Variants in UBQLN4 observed in about 807,000 individuals in gnomAD.
The protein encoded by UBQLN4 is ubiquilin 4, also known as ubiquilin-4.
Under a neutral mutation model 60.4 loss-of-function variants are expected in UBQLN4, and 11 were observed. The observed-to-expected ratio is 0.18, with a 90% CI of 0.11 to 0.30. The LOEUF (loss-of-function observed/expected upper bound fraction) is 0.30. Among genes scored for constraint, UBQLN4 ranks in the 10% least tolerant of loss-of-function variants. The probability of loss-of-function intolerance (pLI) is 1.00; values close to 1 mark genes in which losing one functional copy is unlikely to be tolerated. For synonymous variants in UBQLN4, 258 were observed against 313.1 expected, an observed-to-expected ratio of 0.82 and a Z score of 1.86; for missense variants, 417 against 795.5, an observed-to-expected ratio of 0.52 and a Z score of 5.72.
downstream of UBQLN4, chr1:156,035,180 T>G: frequency 3.4e-6 from 3 of 888,660 alleles, no homozygotes; most frequent in Non-Finnish European, 4.0e-6. Flanking sequence ...TTAATATTTC[T>G]TAACATCTGT....
At chr1:156,033,813 T>C (rs1304942058), downstream of UBQLN4, among the ~76,000 whole-genome samples, 1 of 147,200 alleles carries the variant, frequency 6.8e-6, no homozygotes, top group Non-Finnish European at 1.5e-5. Context: ...CACTGCACTC[T>C]AGCCTGGGTG....
intron 9 of UBQLN4, 78 bp from the exon 10 acceptor site, chr1:156,041,749 A>G: frequency 6.9e-7 from 1 of 1,456,546 alleles, no homozygotes; most frequent in African/African-American, 1.4e-5. Context: ...AAGGAAAAGC[A>G]GTTGGAAGAA....
At chr1:156,042,291 C>A in intron 7 of UBQLN4, 55 bp from the exon 8 acceptor site, 2 of 1,523,718 alleles carry the variant, frequency 1.3e-6, no homozygotes, top group Non-Finnish European at 1.8e-6. Flanking sequence ...CTAAGAATTC[C>A]CCCACAGCCT....
chr1:156,048,796 T>C lies in UBQLN4; in HGVS notation c.742-137A>G, dbSNP rs1204081163. 20 of 945,444 alleles carry C rather than the reference T, an allele frequency of 2.1e-5. 1 individual carries two copies. The South Asian group carries it at 3.4e-4, about 16-fold the overall frequency. The allele number at this position is 945,444 out of a possible 1,614,324, so 58.6% of individuals were successfully genotyped here. ...GGAACTGCCCCACAGTGACAGGGAGTAGAGTAAACTGGACTTCCTTCCTCT... is the reference window on the plus strand; with the variant it reads ...GGAACTGCCCCACAGTGACAGGGAGCAGAGTAAACTGGACTTCCTTCCTCT... On this transcript the variant is annotated intron_variant, in intron 4 of 10. Transcript: ENST00000368309. The surrounding 1 kb of genome is among the most constrained non-coding windows in gnomAD (Gnocchi z 4.9).
At chr1:156,044,358 A>T in intron 5 of UBQLN4, 135 bp from the exon 6 acceptor site, 1 of 782,816 alleles carries the variant, frequency 1.3e-6, no homozygotes, top group East Asian at 2.7e-5. Flanking sequence ...AGAGGTCCTC[A>T]GTTCAGTTCT....
Position 156,048,884 on chromosome 1 carries a change from G to A in UBQLN4, c.742-225C>T, listed in dbSNP as rs541085195. Among the ~76,000 whole-genome samples the A allele has an allele frequency of 1.3e-5, 2 of 152,258 alleles. No homozygotes were observed. Among genetic ancestry groups the A allele is most frequent in the Admixed American group, 6.5e-5 (1 of 15,288 alleles). On this transcript the variant is annotated intron_variant, in intron 4 of 10. Coordinates refer to ENST00000368309, the MANE Select transcript of UBQLN4 (RefSeq NM_020131.5). This position sits in a 1 kb window ranked among gnomAD's most constrained non-coding sequence, Gnocchi z 4.9. ...ATTTTGGTTGGCTTTTTCTAGTGGA[G>A]GACAATGATCCCAGCTGAAGTGAGG... is the stretch of plus-strand genomic sequence containing the variant.
chr1:156,051,990 G>C, intron 1 of UBQLN4, 133 bp from the exon 2 acceptor site: 1 of 1,080,526 alleles, frequency 9.3e-7, no homozygotes, highest in Non-Finnish European at 1.3e-6. Flanking sequence ...CTGTAGTCTC[G>C]ACGCCATTCC....
In UBQLN4 at chr1:156,035,929, C is replaced by T. The variant is rs1351287577; in HGVS notation, c.*1049G>A. 5.1e-6 allele frequency: 5 copies of T among 985,398 alleles called. No individual in the cohort carries two copies. The highest frequency in any genetic ancestry group is 6.0e-6 in the Non-Finnish European group (5 of 829,952). The allele number at this position is 985,398 out of a possible 1,614,324, so 61.0% of individuals were successfully genotyped here. On this transcript the variant is annotated 3_prime_UTR_variant, in exon 11 of 11. Coordinates refer to ENST00000368309, the MANE Select transcript of UBQLN4 (RefSeq NM_020131.5). ...CACACATGTGGATACACATGCACCTCCCCACTACTCACACAGACCCCAACC... is the reference window on the plus strand; with the variant it reads ...CACACATGTGGATACACATGCACCTTCCCACTACTCACACAGACCCCAACC...
Position 156,048,350 on chromosome 1 carries a change from G to GA in UBQLN4, c.900+150dup. On this transcript the variant is annotated intron_variant, in intron 5 of 10. Coordinates refer to ENST00000368309, the MANE Select transcript of UBQLN4 (RefSeq NM_020131.5). The surrounding 1 kb of genome is among the most constrained non-coding windows in gnomAD (Gnocchi z 4.9). ...TCCATGCCAAAATGGACCATCCCCGGATATGTACTGTTGAGAACTGCCTTC... is the reference window on the plus strand; with the variant it reads ...TCCATGCCAAAATGGACCATCCCCGGAATATGTACTGTTGAGAACTGCCTTC... 1 of 830,468 alleles carries GA rather than the reference G, an allele frequency of 1.2e-6. No homozygotes were observed. The highest frequency in any genetic ancestry group is 1.8e-6 in the Non-Finnish European group (1 of 560,082). 51.4% of individuals were successfully genotyped at this position (830,468 alleles called of 1,614,324 possible). A position where few individuals can be genotyped will look rare whatever the true frequency, so the allele number is the denominator to read the frequency against.
intron 10 of UBQLN4, 47 bp from the exon 11 acceptor site, chr1:156,037,177 G>A: frequency 5.0e-6 from 8 of 1,591,210 alleles, no homozygotes; most frequent in Non-Finnish European, 6.8e-6. Flanking sequence ...CAATCTTGGG[G>A]GCCCTATTTG....
At chr1:156,040,842 T>A (rs1012968526) in intron 10 of UBQLN4, among the ~76,000 whole-genome samples, 3 of 152,158 alleles carry the variant, frequency 2.0e-5, no homozygotes, top group Non-Finnish European at 4.4e-5. Context: ...TAAACATACA[T>A]TTTGGTTGAA....
rs370673501 is a variant in UBQLN4 at position 156,036,305 on chromosome 1, C to T, written c.*673G>A. ...TAATCTCATTCCCTCCTCTTTCACA[C>T]GAATTTCCTCTGGGCTGCTCCAGCG... On this transcript the variant is annotated 3_prime_UTR_variant, in exon 11 of 11. Coordinates refer to ENST00000368309, the MANE Select transcript of UBQLN4 (RefSeq NM_020131.5). The T allele has an allele frequency of 1.0e-4, 102 of 985,618 alleles. No individual in the cohort carries two copies. In the African/African-American group the frequency reaches 1.4e-3, roughly 13 times the overall value. 61.1% of individuals were successfully genotyped at this position (985,618 alleles called of 1,614,324 possible). A position where few individuals can be genotyped will look rare whatever the true frequency, so the allele number is the denominator to read the frequency against.
chr1:156,042,506 C>G, intron 7 of UBQLN4: 1 of 1,242,390 alleles, frequency 8.0e-7, no homozygotes, highest in Non-Finnish European at 1.1e-6. Context: ...AGAACTTACT[C>G]TGTCACACGC....
At chr1:156,053,547 G>T in intron 1 of UBQLN4, 47 bp downstream of exon 1, 1 of 1,135,730 alleles carries the variant, frequency 8.8e-7, no homozygotes, top group African/African-American at 1.7e-5. Context: ...CCATCTCTTC[G>T]CAGACCCCTC....
At chr1:156,040,380 C>CA (rs761867504) in intron 10 of UBQLN4, among the ~76,000 whole-genome samples, 5,088 of 125,822 alleles carry the variant, frequency 0.04, 123 homozygotes, top group Non-Finnish European at 0.06. Context: ...AACTCTGTCT[C>CA]AAAAAAAAAA....
At chr1:156,034,133 C>T (rs889362419), downstream of UBQLN4, among the ~76,000 whole-genome samples, 4 of 151,362 alleles carry the variant, frequency 2.6e-5, no homozygotes, top group Non-Finnish European at 5.9e-5. Context: ...TCCACAGAAC[C>T]GTAGTCCATA....
chr1:156,044,896 C>A (rs1288940005), intron 5 of UBQLN4, among the ~76,000 whole-genome samples: 1 of 152,190 alleles, frequency 6.6e-6, no homozygotes, highest in African/African-American at 2.4e-5. Flanking sequence ...CCTCTACACA[C>A]TGGCTACTTC....
At chr1:156,047,767 T>A (rs1041874136) in intron 5 of UBQLN4, among the ~76,000 whole-genome samples, 2 of 150,638 alleles carry the variant, frequency 1.3e-5, no homozygotes, top group African/African-American at 4.9e-5. Context: ...TGGTGGCATG[T>A]ACCTGTAGTC....
In UBQLN4 at chr1:156,036,319, G is replaced by C. The variant is rs1683403124; in HGVS notation, c.*659C>G. 1.0e-6 allele frequency: 1 copy of C among 985,446 alleles called. No individual in the cohort carries two copies. The highest frequency in any genetic ancestry group is 1.7e-5 in the African/African-American group (1 of 57,184). 61.0% of individuals were successfully genotyped at this position (985,446 alleles called of 1,614,324 possible). On this transcript the variant is annotated 3_prime_UTR_variant, in exon 11 of 11. Transcript: ENST00000368309. ...CCTCTTTCACACGAATTTCCTCTGG[G>C]CTGCTCCAGCGTTTGTTAATTCCTG...
Sources: allele counts gnomAD v4.1 joint callset (sites outside exome capture counted in the v4.1 genomes callset), GRCh38; gene constraint gnomAD v4.1.1; non-coding constraint Gnocchi (gnomAD v3.1); transcripts MANE v1.5; gene names NCBI Gene and HGNC (gene_info 2026-07-23, HGNC 2026-07-21).